Variants in CNKSR3 observed in about 807,000 individuals in gnomAD.
CNKSR3 encodes the protein CNKSR family member 3.
A neutral mutation model predicts 67.7 loss-of-function variants in CNKSR3; 36 were observed. The observed-to-expected ratio is 0.53, with a 90% CI of 0.41 to 0.70. The LOEUF (loss-of-function observed/expected upper bound fraction) is 0.70, where lower values mean the gene tolerates loss of function less well. Among genes scored for constraint, CNKSR3 ranks in the 30% least tolerant of loss-of-function variants. CNKSR3 has a pLI of 0.00. For missense variants in CNKSR3, 630 were observed against 695.2 expected, an observed-to-expected ratio of 0.91 and a Z score of 1.05; for synonymous variants, 281 against 271.4, an observed-to-expected ratio of 1.04 and a Z score of -0.35.
Position 154,442,071 on chromosome 6 carries a change from G to A in CNKSR3, c.419+17C>T, listed in dbSNP as rs1785603885. The A allele has an allele frequency of 2.5e-6, 4 of 1,585,464 alleles. No individual in the cohort carries two copies. The highest frequency in any genetic ancestry group is 3.5e-5 in the Admixed American group (2 of 57,418). ...ATCTACTCTTGCAGGGCAGTAAAAGGCACATCTCCAACTTACCGGTCCAGC... is the reference window on the plus strand; with the variant it reads ...ATCTACTCTTGCAGGGCAGTAAAAGACACATCTCCAACTTACCGGTCCAGC... On this transcript the variant is annotated intron_variant, in intron 3 of 12. Coordinates refer to ENST00000607772, the MANE Select transcript of CNKSR3 (RefSeq NM_173515.4).
At chr6:154,483,007 T>A (rs538903998) in intron 1 of CNKSR3, among the ~76,000 whole-genome samples, 2 of 152,282 alleles carry the variant, frequency 1.3e-5, no homozygotes, top group South Asian at 4.1e-4. Flanking sequence ...ATCTGTTTCC[T>A]CCAAGGCCAG....
At chr6:154,502,732 G>A (rs1787023890) in intron 1 of CNKSR3, among the ~76,000 whole-genome samples, 1 of 152,218 alleles carries the variant, frequency 6.6e-6, no homozygotes, top group African/African-American at 2.4e-5. Flanking sequence ...AACAAATGCA[G>A]AAGTGCCCTC....
At chr6:154,434,442 A>C (rs1785429915) in intron 4 of CNKSR3, among the ~76,000 whole-genome samples, 1 of 152,260 alleles carries the variant, frequency 6.6e-6, no homozygotes, top group African/African-American at 2.4e-5. Context: ...CAAAATGTTA[A>C]TCAACTGTGT....
At chr6:154,432,699 T>A (rs1333758215) in intron 5 of CNKSR3, among the ~76,000 whole-genome samples, 1 of 152,238 alleles carries the variant, frequency 6.6e-6, no homozygotes, top group African/African-American at 2.4e-5. Flanking sequence ...ATTCTTTGAA[T>A]GCCAAACACT....
chr6:154,503,298 T>A (rs1174903827), intron 1 of CNKSR3, among the ~76,000 whole-genome samples: 1 of 152,138 alleles, frequency 6.6e-6, no homozygotes, highest in Non-Finnish European at 1.5e-5. Context: ...ACTCCCTTCT[T>A]ACTACTTGTG....
At chr6:154,487,798 A>G (rs934288969) in intron 1 of CNKSR3, among the ~76,000 whole-genome samples, 1 of 152,226 alleles carries the variant, frequency 6.6e-6, no homozygotes, top group African/African-American at 2.4e-5. Context: ...ACTTTGTTGG[A>G]CAAAGAGACT....
intron 1 of CNKSR3, among the ~76,000 whole-genome samples, chr6:154,479,499 T>C (rs1298306428): frequency 6.6e-6 from 1 of 152,066 alleles, no homozygotes; most frequent in African/African-American, 2.4e-5. Flanking sequence ...AGCTGCTCCA[T>C]CCAAACTCAA....
chr6:154,458,438 TG>T (rs1210040592), intron 1 of CNKSR3, among the ~76,000 whole-genome samples: 1 of 152,208 alleles, frequency 6.6e-6, no homozygotes, highest in Admixed American at 6.5e-5. Context: ...ATTTTCTTTT[TG>T]TCAGTTCTCT....
intron 1 of CNKSR3, among the ~76,000 whole-genome samples, chr6:154,472,659 A>G (rs572748341): frequency 6.6e-6 from 1 of 152,328 alleles, no homozygotes; most frequent in Non-Finnish European, 1.5e-5. Context: ...CAACAGCTAC[A>G]ACAGTTCTTG....
chr6:154,399,703 C>G lies in CNKSR3; in HGVS notation c.*6651G>C, dbSNP rs545930570. 6.6e-6 allele frequency: 1 copy of G among 152,112 alleles called. No individual in the cohort carries two copies. The highest frequency in any genetic ancestry group is 1.5e-5 in the Non-Finnish European group (1 of 68,022). The allele number at this position is 152,112 out of a possible 1,614,324, so 9.4% of individuals were successfully genotyped here. On this transcript the variant is annotated 3_prime_UTR_variant, in exon 13 of 13. Transcript: ENST00000607772. ...TTTAGATATGAGTAAGAAAACGGAA[C>G]CTGACACTGAGTTAAAAGGACAATT...
intron 1 of CNKSR3, among the ~76,000 whole-genome samples, chr6:154,473,774 A>T (rs771903239): frequency 6.6e-6 from 1 of 151,510 alleles, no homozygotes; most frequent in Non-Finnish European, 1.5e-5. Flanking sequence ...TCCCATGCTC[A>T]GTTCTCTCCA....
At chr6:154,421,987 C>CTTTTT (rs34269095) in intron 9 of CNKSR3, among the ~76,000 whole-genome samples, 18 of 127,326 alleles carry the variant, frequency 1.4e-4, no homozygotes, top group African/African-American at 3.5e-4. Context: ...TCATTTCATT[C>CTTTTT]TTTTTTTTTT....
rs1785604967 is a variant in CNKSR3 at position 154,442,105 on chromosome 6, C to A, written c.402G>T (p.Leu134=). 6.2e-7 allele frequency: 1 copy of A among 1,608,012 alleles called. No individual in the cohort carries two copies. Among genetic ancestry groups the A allele is most frequent in the Non-Finnish European group, 8.5e-7 (1 of 1,175,120 alleles). ...CAACTTACCGGTCCAGCCACGCCAGCAGGGCCTTGGCGGCGCCGATGAGCT... is the reference window on the plus strand; with the variant it reads ...CAACTTACCGGTCCAGCCACGCCAGAAGGGCCTTGGCGGCGCCGATGAGCT... ...VVELIGAAKA[L]LAWLDRAPFT... Residue 134 remains leucine, a synonymous_variant, in exon 3 of 13, where the codon CTG becomes CTT. Coordinates refer to ENST00000607772, the MANE Select transcript of CNKSR3 (RefSeq NM_173515.4).
At chr6:154,423,156 A>G (rs1157085469) in intron 7 of CNKSR3, among the ~76,000 whole-genome samples, 173 bp from the exon 8 acceptor site, 4 of 152,226 alleles carry the variant, frequency 2.6e-5, no homozygotes, top group Non-Finnish European at 4.4e-5. Flanking sequence ...ACCTTAACAC[A>G]TGAATCCTGT....
At chr6:154,450,308 CA>C (rs758587787) in intron 1 of CNKSR3, 50 bp from the exon 2 acceptor site, 2 of 1,583,010 alleles carry the variant, frequency 1.3e-6, no homozygotes, top group Non-Finnish European at 1.7e-6. Context: ...TTCCTTTACC[CA>C]CCCCCTGCAA....
chr6:154,510,178 C>A lies in CNKSR3; in HGVS notation c.-64G>T. On this transcript the variant is annotated 5_prime_UTR_variant, in exon 1 of 13. Coordinates refer to ENST00000607772, the MANE Select transcript of CNKSR3 (RefSeq NM_173515.4). ...AGATAAAGTGCTGCTGCCTGCGCTC[C>A]GGTGCCCCTTCCCGGGAGGGCGCGC... 1 of 1,596,706 alleles carries A rather than the reference C, an allele frequency of 6.3e-7. No individual in the cohort carries two copies. The highest frequency in any genetic ancestry group is 8.6e-7 in the Non-Finnish European group (1 of 1,165,636).
At chr6:154,455,487 C>CT (rs571100858) in intron 1 of CNKSR3, among the ~76,000 whole-genome samples, 64 of 145,782 alleles carry the variant, frequency 4.4e-4, no homozygotes, top group Non-Finnish European at 4.7e-4. Flanking sequence ...ATTTTCTTTC[C>CT]TTTTTTTTTT....
intron 1 of CNKSR3, among the ~76,000 whole-genome samples, chr6:154,500,850 C>T (rs973742171): frequency 4.6e-5 from 7 of 152,180 alleles, no homozygotes; most frequent in African/African-American, 1.7e-4. Context: ...CCATATTTGC[C>T]CTTCTGATCC....
chr6:154,470,231 C>T (rs1490890019), intron 1 of CNKSR3, among the ~76,000 whole-genome samples: 1 of 111,516 alleles, frequency 9.0e-6, no homozygotes, highest in Non-Finnish European at 1.7e-5. Context: ...GACAGGGTCT[C>T]ACTCCATTGC....
Sources: allele counts gnomAD v4.1 joint callset (sites outside exome capture counted in the v4.1 genomes callset), GRCh38; gene constraint gnomAD v4.1.1; transcripts MANE v1.5; gene names NCBI Gene and HGNC (gene_info 2026-07-23, HGNC 2026-07-21).